VEZT: variants seen among roughly 807,000 people sequenced by gnomAD.
VEZT encodes vezatin, adherens junctions transmembrane protein.
VEZT carries 39 observed loss-of-function variants against 79.9 expected under a neutral mutation model. The observed-to-expected ratio is 0.49, with a 90% CI of 0.38 to 0.64. The LOEUF (loss-of-function observed/expected upper bound fraction) is 0.64, where lower values mean the gene tolerates loss of function less well. Among genes scored for constraint, VEZT ranks in the 30% least tolerant of loss-of-function variants. VEZT has a pLI of 0.00. For missense variants in VEZT, 837 were observed against 893.1 expected (o/e 0.94, Z 0.80); for synonymous variants, 325 against 327.6 (o/e 0.99, Z 0.09).
At chr12:95,246,784 C>T (rs935756260) in intron 1 of VEZT, among the ~76,000 whole-genome samples, 4 of 152,036 alleles carry the variant, frequency 2.6e-5, no homozygotes, top group Non-Finnish European at 2.9e-5. Flanking sequence ...TCCAATACTT[C>T]GAAATTATAG....
At chr12:95,228,812 T>C (rs2058846065) in intron 1 of VEZT, among the ~76,000 whole-genome samples, 1 of 152,188 alleles carries the variant, frequency 6.6e-6, no homozygotes, top group South Asian at 2.1e-4. Flanking sequence ...AAAACCAGCC[T>C]GGGCAACATA....
chr12:95,280,135 A>G (rs1446402004), intron 7 of VEZT, among the ~76,000 whole-genome samples: 1 of 151,206 alleles, frequency 6.6e-6, no homozygotes, highest in African/African-American at 2.4e-5. Context: ...CTCCACTTCT[A>G]CTCTCATTTT....
At chr12:95,220,824 T>C (rs911051754) in intron 1 of VEZT, among the ~76,000 whole-genome samples, 2 of 152,226 alleles carry the variant, frequency 1.3e-5, no homozygotes, top group African/African-American at 2.4e-5. Context: ...TGTATGTGTT[T>C]GGTTAAACAT....
chr12:95,263,160 A>G (rs12305760), intron 4 of VEZT, 79 bp downstream of exon 4: 288,983 of 1,252,740 alleles, frequency 0.23, 36,615 homozygotes, highest in African/African-American at 0.48. Flanking sequence ...TGTGCTCTCC[A>G]TTGTAAAGGC....
Position 95,274,750 on chromosome 12 carries a change from T to C in VEZT, c.857T>C (p.Leu286Pro), listed in dbSNP as rs1190810062. 1 of 1,611,958 alleles carries C rather than the reference T, an allele frequency of 6.2e-7. No homozygotes were observed. Among genetic ancestry groups the C allele is most frequent in the Non-Finnish European group, 8.5e-7 (1 of 1,179,180 alleles). The change falls in exon 7 of 12, where the codon CTG (leucine) becomes CCG (proline). Residue 286 changes from leucine to proline, a missense_variant. By Grantham distance (98) the Leu-to-Pro change is moderately conservative (BLOSUM62 -3). Coordinates refer to ENST00000436874, the MANE Select transcript of VEZT (RefSeq NM_017599.4). ...CCTTAACCTAATTTAACCTACCCCC[T>C]GAACTCTGAGAGTGACAATGTAACC... Reference protein sequence around the residue: ...ATLYMLKNYPLNSESDNVTNY... With the variant: ...ATLYMLKNYPPNSESDNVTNY...
Position 95,274,841 on chromosome 12 carries a change from A to AGAG in VEZT, c.951_953dup (p.Glu318dup), listed in dbSNP as rs754718607. ...GACTTAGTGAAGAGCAGATTTCAGA[A>AGAG]GAGGAAGCACATAACTTTACAGATG... On this transcript the variant is annotated inframe_insertion, in exon 7 of 12. Coordinates refer to ENST00000436874, the MANE Select transcript of VEZT (RefSeq NM_017599.4). The AGAG allele has an allele frequency of 6.2e-7, 1 of 1,613,932 alleles. No individual in the cohort carries two copies. Among genetic ancestry groups the AGAG allele is most frequent in the South Asian group, 1.1e-5 (1 of 91,054 alleles).
chr12:95,283,324 A>G (rs557155939), intron 8 of VEZT, among the ~76,000 whole-genome samples: 128 of 152,388 alleles, frequency 8.4e-4, no homozygotes, highest in African/African-American at 3.0e-3. Context: ...GAATCAAGGC[A>G]TTTAATTGAA....
intron 1 of VEZT, among the ~76,000 whole-genome samples, chr12:95,235,691 A>ACGGGGCGGCTGGCCGGG (rs2060018819): frequency 6.9e-6 from 1 of 145,298 alleles, no homozygotes; most frequent in African/African-American, 2.6e-5. Flanking sequence ...TCCCTCCCGG[A>ACGGGGCGGCTGGCCGGG]CGGGGCGGCT....
At chr12:95,261,023 C>G (rs1441709142) in intron 3 of VEZT, among the ~76,000 whole-genome samples, 1 of 132,778 alleles carries the variant, frequency 7.5e-6, no homozygotes, top group Non-Finnish European at 1.6e-5. Context: ...AAAAAAAAAG[C>G]CATATCAGGC....
At chr12:95,261,404 G>T (rs904633387) in intron 3 of VEZT, among the ~76,000 whole-genome samples, 5 of 151,936 alleles carry the variant, frequency 3.3e-5, no homozygotes, top group South Asian at 2.1e-4. Context: ...TTTGGTTTTG[G>T]TTTATTTTTT....
At chr12:95,243,746 C>T (rs2061353136) in intron 1 of VEZT, among the ~76,000 whole-genome samples, 1 of 152,214 alleles carries the variant, frequency 6.6e-6, no homozygotes, top group Non-Finnish European at 1.5e-5. Flanking sequence ...GGTCACGAGG[C>T]TCCACTTTCA....
At position 95,262,953 on chromosome 12, in the gene VEZT, A is replaced by G; in HGVS notation, c.306A>G (p.Glu102=). The change falls in exon 4 of 12, where the codon GAA becomes GAG. Residue 102 remains glutamate, a synonymous_variant. Coordinates refer to ENST00000436874, the MANE Select transcript of VEZT (RefSeq NM_017599.4). ...CATTACATACCATCCTGCAACAGGA[A>G]GTCCTGTTACAAGAGGATGTGGAGC... ...LDSLHTILQQ[E]VLLQEDVELI... 1 of 1,612,194 alleles carries G rather than the reference A, an allele frequency of 6.2e-7. No individual in the cohort carries two copies. The highest frequency in any genetic ancestry group is 8.5e-7 in the Non-Finnish European group (1 of 1,178,562).
intron 5 of VEZT, among the ~76,000 whole-genome samples, chr12:95,269,475 G>A (rs560107932): frequency 1.3e-5 from 2 of 152,216 alleles, no homozygotes; most frequent in East Asian, 3.9e-4. Context: ...CAGCAGGTGG[G>A]TAAGTAATTT....
intron 1 of VEZT, among the ~76,000 whole-genome samples, chr12:95,249,943 T>C (rs1044765896): frequency 6.6e-6 from 1 of 151,880 alleles, no homozygotes; most frequent in Non-Finnish European, 1.5e-5. Flanking sequence ...TTTATTGTTG[T>C]GAACCTTAAC....
intron 6 of VEZT, among the ~76,000 whole-genome samples, chr12:95,272,246 C>A (rs4762321): frequency 6.6e-6 from 1 of 151,302 alleles, no homozygotes; most frequent in Non-Finnish European, 1.5e-5. Flanking sequence ...AAAAAAAAAA[C>A]GGGAATAGGA....
At chr12:95,268,881 A>C (rs1209032077) in intron 5 of VEZT, among the ~76,000 whole-genome samples, 1 of 152,234 alleles carries the variant, frequency 6.6e-6, no homozygotes, top group Non-Finnish European at 1.5e-5. Context: ...CACAAGCAGT[A>C]GTGCCATATA....
At chr12:95,240,958 A>AAAC (rs2060925046) in intron 1 of VEZT, among the ~76,000 whole-genome samples, 1 of 139,122 alleles carries the variant, frequency 7.2e-6, no homozygotes. Context: ...TAGGATGTTG[A>AAAC]GCAGCATCCC....
chr12:95,251,241 C>T (rs1425031933), intron 1 of VEZT, among the ~76,000 whole-genome samples: 1 of 152,174 alleles, frequency 6.6e-6, no homozygotes, highest in Non-Finnish European at 1.5e-5. Context: ...AAACTCCTCA[C>T]CTCAGATGAT....
In VEZT at chr12:95,232,631, A is replaced by G. The variant is rs1390092636; in HGVS notation, c.36+14745A>G. On this transcript the variant is annotated intron_variant, in intron 1 of 11. Coordinates refer to ENST00000436874, the MANE Select transcript of VEZT (RefSeq NM_017599.4). ...GTTTTCTTGTTGCTTTTTGTGTTTA[A>G]TATGGACTGCATGGCCCAAATGACA... Among the ~76,000 whole-genome samples the G allele has an allele frequency of 2.0e-5, 3 of 152,164 alleles. No homozygotes were observed. In the East Asian group the frequency reaches 5.8e-4, roughly 29 times the overall value.
Sources: allele counts gnomAD v4.1 joint callset (sites outside exome capture counted in the v4.1 genomes callset), GRCh38; gene constraint gnomAD v4.1.1; transcripts MANE v1.5; gene names NCBI Gene and HGNC (gene_info 2026-07-23, HGNC 2026-07-21).